The following FAM13B variants were observed in gnomAD, a reference collection of about 807,000 sequenced individuals.
The protein encoded by FAM13B is family with sequence similarity 13 member B.
A neutral mutation model predicts 117.3 loss-of-function variants in FAM13B; 60 were observed. That is an observed-to-expected ratio of 0.51 (90% CI 0.42 to 0.63). The LOEUF (loss-of-function observed/expected upper bound fraction) is 0.63, where lower values mean the gene tolerates loss of function less well. Ranked by LOEUF, FAM13B falls within the 30% of genes least tolerant of loss-of-function variation. FAM13B has a pLI of 0.00. For synonymous variants in FAM13B, 332 were observed against 356.1 expected (o/e 0.93, Z 0.76); for missense variants, 972 against 1,091.9 (o/e 0.89, Z 1.55).
chr5:137,993,447 C>T (rs1455234706), intron 7 of FAM13B, among the ~76,000 whole-genome samples: 4 of 151,912 alleles, frequency 2.6e-5, no homozygotes, highest in African/African-American at 9.7e-5. Flanking sequence ...GGCAACATAG[C>T]AAAACCGCAT....
At chr5:137,964,469 C>T (rs1769071962) in intron 10 of FAM13B, among the ~76,000 whole-genome samples, 1 of 151,504 alleles carries the variant, frequency 6.6e-6, no homozygotes, top group Non-Finnish European at 1.5e-5. Context: ...ACCTGTAATC[C>T]CAGCACTTTG....
chr5:138,047,288 T>G (rs1280625907), intron 1 of FAM13B, among the ~76,000 whole-genome samples: 1 of 150,568 alleles, frequency 6.6e-6, no homozygotes, highest in African/African-American at 2.4e-5. Flanking sequence ...GGGTGGATCA[T>G]GAGGTCGGGA....
chr5:137,974,791 T>C (rs1360196034), intron 10 of FAM13B, among the ~76,000 whole-genome samples: 4 of 152,052 alleles, frequency 2.6e-5, no homozygotes, highest in African/African-American at 9.7e-5. Flanking sequence ...GCCCAGGTGT[T>C]GGCAAACTAC....
chr5:137,941,928 G>T lies in FAM13B; in HGVS notation c.2690+16C>A. ...TAGAGAAGAAAGATGACTCAATTTT[G>T]TGATGCTCAACAAACCTTCCATTTT... On this transcript the variant is annotated intron_variant, in intron 23 of 23. Transcript: ENST00000689681. 4 of 1,594,698 alleles carry T rather than the reference G, an allele frequency of 2.5e-6. No homozygotes were observed. The highest frequency in any genetic ancestry group is 3.4e-6 in the Non-Finnish European group (4 of 1,163,102).
At chr5:137,994,468 C>T (rs1779372090) in intron 7 of FAM13B, among the ~76,000 whole-genome samples, 1 of 152,112 alleles carries the variant, frequency 6.6e-6, no homozygotes, top group African/African-American at 2.4e-5. Flanking sequence ...AGGGCTCACA[C>T]ACACCAATAG....
chr5:137,972,572 C>A (rs1298319742), intron 10 of FAM13B, among the ~76,000 whole-genome samples: 1 of 151,932 alleles, frequency 6.6e-6, no homozygotes, highest in African/African-American at 2.4e-5. Context: ...CCCTCTCTCA[C>A]CACTCCTATT....
At chr5:137,955,114 C>T (rs1249207111) in intron 14 of FAM13B, among the ~76,000 whole-genome samples, 1 of 152,154 alleles carries the variant, frequency 6.6e-6, no homozygotes, top group Non-Finnish European at 1.5e-5. Flanking sequence ...AAGAACTGAA[C>T]AGTTCTTTCT....
chr5:138,034,995 CTTTTTTTTTTTTTTT>C (rs557807234), upstream of FAM13B, among the ~76,000 whole-genome samples: 434 of 34,396 alleles, frequency 0.013, 11 homozygotes, highest in African/African-American at 0.04. Context: ...ATTCCCTTGC[CTTTTTTTTTTTTTTT>C]TTTTTTTTTT....
intron 1 of FAM13B, among the ~76,000 whole-genome samples, chr5:138,027,769 G>C (rs1249647861): frequency 6.6e-6 from 1 of 152,156 alleles, no homozygotes; most frequent in Non-Finnish European, 1.5e-5. Flanking sequence ...CCTCACGTGT[G>C]GAGAGAAGGA....
In FAM13B at chr5:138,008,618, T is replaced by A. The variant is rs537680192; in HGVS notation, c.691-1471A>T. 2.0e-5 allele frequency among the ~76,000 whole-genome samples: 3 copies of A among 152,318 alleles called. No homozygotes were observed. The East Asian group carries it at 5.8e-4, about 29-fold the overall frequency. ...TACCTCACAGAGCTGGTTGAAAGGA[T>A]TAATATATGTAACCTCTTCAGCAAT... On this transcript the variant is annotated intron_variant, in intron 6 of 23. Coordinates refer to ENST00000689681, the MANE Select transcript of FAM13B (RefSeq NM_001385994.1).
At chr5:138,048,060 TAGAA>T (rs1308035498) in intron 1 of FAM13B, among the ~76,000 whole-genome samples, 1 of 151,522 alleles carries the variant, frequency 6.6e-6, no homozygotes, top group South Asian at 2.1e-4. Flanking sequence ...CCTTTTAAAA[TAGAA>T]AGAAAGAAAA....
At chr5:137,957,458 T>C (rs1024811407) in intron 13 of FAM13B, among the ~76,000 whole-genome samples, 4 of 149,678 alleles carry the variant, frequency 2.7e-5, no homozygotes, top group Non-Finnish European at 5.9e-5. Context: ...GAGAATTGCT[T>C]GAACCTGCGA....
chr5:138,030,710 G>A (rs1299717774), intron 1 of FAM13B, among the ~76,000 whole-genome samples: 4 of 109,278 alleles, frequency 3.7e-5, no homozygotes, highest in Non-Finnish European at 5.8e-5. Context: ...ATGAAACTCC[G>A]TCCCCCCCCC....
At chr5:138,030,804 C>T (rs1293376193) in intron 1 of FAM13B, among the ~76,000 whole-genome samples, 1 of 146,312 alleles carries the variant, frequency 6.8e-6, no homozygotes, top group African/African-American at 2.5e-5. Context: ...GAGGCAGAAG[C>T]AGGCAGATCA....
At chr5:138,042,849 T>C (rs1402557873) in intron 1 of FAM13B, among the ~76,000 whole-genome samples, 1 of 152,126 alleles carries the variant, frequency 6.6e-6, no homozygotes, top group Non-Finnish European at 1.5e-5. Flanking sequence ...CCCAGCACTT[T>C]GGGAGGCTGA....
chr5:138,011,020 T>C lies in FAM13B; in HGVS notation c.678A>G (p.Ser226=), dbSNP rs1277161413. The C allele has an allele frequency of 6.3e-7, 1 of 1,596,018 alleles. No homozygotes were observed. Among genetic ancestry groups the C allele is most frequent in the African/African-American group, 1.4e-5 (1 of 73,844 alleles). Residue 226 remains serine (S), a synonymous_variant, in exon 6 of 24, where the codon TCA becomes TCG. Transcript: ENST00000689681. ...AGAATATTCTCACCTGTTCAGTAAT[T>C]GAACTCAAATCATTAGATGAAAAAT... ...EEDFSSNDLS[S]ITEQVNELSE...
At chr5:137,961,745 A>G (rs1768185516) in intron 11 of FAM13B, among the ~76,000 whole-genome samples, 1 of 152,180 alleles carries the variant, frequency 6.6e-6, no homozygotes, top group South Asian at 2.1e-4. Context: ...CAGAATCTCA[A>G]ATCACCTTCC....
intron 6 of FAM13B, among the ~76,000 whole-genome samples, chr5:138,009,321 A>G (rs1783348713): frequency 6.6e-6 from 1 of 152,204 alleles, no homozygotes; most frequent in Non-Finnish European, 1.5e-5. Flanking sequence ...ATTAACTGAG[A>G]GGTAAGATTT....
rs189094563 is a variant in FAM13B at position 137,997,400 on chromosome 5, C to T, written c.849-9085G>A. Among the ~76,000 whole-genome samples, 242 of 151,980 alleles carry T rather than the reference C, an allele frequency of 1.6e-3. 4 individuals are homozygous for T. The highest frequency in any genetic ancestry group is 0.01 in the Middle Eastern group (3 of 294). Reference sequence around the variant, plus strand: ...AGGAGAATCACTTGAACCCGGGAGGCGGAGGTTGCGGTGAGCTGAGATCGT... The same window carrying T: ...AGGAGAATCACTTGAACCCGGGAGGTGGAGGTTGCGGTGAGCTGAGATCGT... On this transcript the variant is annotated intron_variant, in intron 7 of 23. Transcript: ENST00000689681.
Sources: gnomAD v4.1 joint callset for allele counts (sites outside exome capture counted in the v4.1 genomes callset) on GRCh38, gnomAD v4.1.1 for gene constraint, MANE v1.5 for transcripts, NCBI Gene and HGNC (gene_info 2026-07-23, HGNC 2026-07-21) for gene names.